ARID4B: variants seen among roughly 807,000 people sequenced by gnomAD.
ARID4B encodes the protein AT-rich interactive domain-containing protein 4B.
ARID4B carries 26 observed loss-of-function variants against 147.5 expected under a neutral mutation model. That is an observed-to-expected ratio of 0.18 (90% CI 0.13 to 0.24). The LOEUF (loss-of-function observed/expected upper bound fraction) is 0.24. Ranked by LOEUF, ARID4B falls within the 10% of genes least tolerant of loss-of-function variation. ARID4B has a pLI of 1.00. For missense variants in ARID4B, 1,179 were observed against 1,511.5 expected, an observed-to-expected ratio of 0.78 and a Z score of 3.65; for synonymous variants, 512 against 507.9, an observed-to-expected ratio of 1.01 and a Z score of -0.11.
chr1:235,304,455 C>G (rs923363096), intron 2 of ARID4B, among the ~76,000 whole-genome samples: 1 of 152,202 alleles, frequency 6.6e-6, no homozygotes, highest in African/African-American at 2.4e-5. Context: ...CTCAAGGTCC[C>G]TTTTCATTAT....
At chr1:235,246,326 G>C in intron 7 of ARID4B, 94 bp downstream of exon 7, 1 of 1,006,752 alleles carries the variant, frequency 9.9e-7, no homozygotes, top group South Asian at 1.4e-5. Context: ...GATCTGGTTA[G>C]CATTTTGCAA....
intron 5 of ARID4B, among the ~76,000 whole-genome samples, chr1:235,253,222 A>T (rs1215204686): frequency 3.3e-5 from 5 of 152,220 alleles, no homozygotes; most frequent in African/African-American, 1.2e-4. Flanking sequence ...TTAAAAAAAT[A>T]ACTGTATTTT....
rs575710398 is a variant in ARID4B at position 235,324,803 on chromosome 1, T to G, written c.6+2111A>C. On this transcript the variant is annotated intron_variant, in intron 2 of 23. Coordinates refer to ENST00000264183, the MANE Select transcript of ARID4B (RefSeq NM_016374.6). Reference sequence around the variant, plus strand: ...ACTACAAAAATTAGCCAGGTGTGCCTGTAGTCCCAGCTACTCAGGAGGCTG... The same window carrying G: ...ACTACAAAAATTAGCCAGGTGTGCCGGTAGTCCCAGCTACTCAGGAGGCTG... Among the ~76,000 whole-genome samples the G allele has an allele frequency of 8.5e-5, 13 of 152,280 alleles. No homozygotes were observed. The East Asian group carries it at 2.5e-3, about 29-fold the overall frequency.
chr1:235,183,929 G>A (rs929026174), intron 19 of ARID4B, among the ~76,000 whole-genome samples: 1 of 151,998 alleles, frequency 6.6e-6, no homozygotes, highest in Non-Finnish European at 1.5e-5. Flanking sequence ...GACTACAGGT[G>A]TGCCACATCC....
intron 2 of ARID4B, among the ~76,000 whole-genome samples, chr1:235,263,553 G>A (rs535340270): frequency 5.3e-5 from 8 of 152,130 alleles, no homozygotes; most frequent in Non-Finnish European, 1.0e-4. Flanking sequence ...ATAAAAATCC[G>A]TGTTGACGGG....
intron 2 of ARID4B, among the ~76,000 whole-genome samples, chr1:235,289,177 CA>C (rs963556889): frequency 3.9e-5 from 6 of 152,212 alleles, no homozygotes; most frequent in Admixed American, 3.9e-4. Flanking sequence ...TTCAAAGTGA[CA>C]TAATAAATTA....
intron 5 of ARID4B, among the ~76,000 whole-genome samples, chr1:235,253,136 GA>G (rs1227593337): frequency 6.6e-6 from 1 of 152,104 alleles, no homozygotes; most frequent in African/African-American, 2.4e-5. Flanking sequence ...GTAAAGAAAT[GA>G]CAAGTTTTCC....
intron 2 of ARID4B, among the ~76,000 whole-genome samples, chr1:235,280,583 T>C (rs947129876): frequency 2.6e-5 from 4 of 152,242 alleles, no homozygotes; most frequent in African/African-American, 9.6e-5. Flanking sequence ...AGATGGCAGC[T>C]TCAGGTGGGC....
At chr1:235,259,574 T>C (rs1379648517) in intron 3 of ARID4B, among the ~76,000 whole-genome samples, 1 of 152,186 alleles carries the variant, frequency 6.6e-6, no homozygotes, top group Non-Finnish European at 1.5e-5. Context: ...GGAATACCAG[T>C]GTGTGAAGCC....
intron 23 of ARID4B, among the ~76,000 whole-genome samples, chr1:235,168,868 A>G (rs759182261): frequency 6.6e-6 from 1 of 152,214 alleles, no homozygotes; most frequent in Admixed American, 6.5e-5. Flanking sequence ...GAAGTAATGA[A>G]AAGGACAGAC....
At position 235,214,794 on chromosome 1, in the gene ARID4B, T is replaced by C. The variant is rs536502246; in HGVS notation, c.1584-768A>G. Among the ~76,000 whole-genome samples the C allele has an allele frequency of 7.4e-5, 11 of 149,374 alleles. No homozygotes were observed. The East Asian group carries it at 1.4e-3, about 19-fold the overall frequency. Reference sequence around the variant, plus strand: ...ACAGATGAGAGGCCAATTACAAGTATATGAAACTAAAAGTCAAACTATTCT... The same window carrying C: ...ACAGATGAGAGGCCAATTACAAGTACATGAAACTAAAAGTCAAACTATTCT... On this transcript the variant is annotated intron_variant, in intron 16 of 23. Coordinates refer to ENST00000264183, the MANE Select transcript of ARID4B (RefSeq NM_016374.6).
intron 2 of ARID4B, among the ~76,000 whole-genome samples, chr1:235,266,112 C>A (rs1415219082): frequency 6.6e-6 from 1 of 152,100 alleles, no homozygotes; most frequent in Non-Finnish European, 1.5e-5. Context: ...ATGTTGAATT[C>A]CAGCGGCAAG....
intron 5 of ARID4B, among the ~76,000 whole-genome samples, 159 bp downstream of exon 5, chr1:235,255,501 T>C (rs1669927577): frequency 6.6e-6 from 1 of 152,060 alleles, no homozygotes; most frequent in Non-Finnish European, 1.5e-5. Context: ...TACATATACT[T>C]TGGAAATAAA....
chr1:235,170,910 CAAAAAA>C (rs1164420998), intron 23 of ARID4B, among the ~76,000 whole-genome samples: 1 of 61,448 alleles, frequency 1.6e-5, no homozygotes, highest in African/African-American at 5.4e-5. Flanking sequence ...GACTCCGTCT[CAAAAAA>C]AAAAAAAAAA....
intron 2 of ARID4B, among the ~76,000 whole-genome samples, chr1:235,304,857 C>A (rs1240922104): frequency 6.6e-6 from 1 of 152,178 alleles, no homozygotes. Context: ...TCATAAAATT[C>A]CTTTGTGGTA....
chr1:235,183,062 CT>C (rs1664429741), intron 19 of ARID4B, among the ~76,000 whole-genome samples: 1 of 151,622 alleles, frequency 6.6e-6, no homozygotes, highest in African/African-American at 2.4e-5. Flanking sequence ...AAAGTCATCA[CT>C]TTTATGTAAA....
Position 235,196,083 on chromosome 1 carries a change from A to C in ARID4B, c.1874T>G (p.Val625Gly). 6.3e-7 allele frequency: 1 copy of C among 1,597,818 alleles called. No homozygotes were observed. Among genetic ancestry groups the C allele is most frequent in the African/African-American group, 1.3e-5 (1 of 74,272 alleles). The stretch of plus-strand genomic sequence containing the variant: ...TGGCACATTTTTATCAGCAGGTCTT[A>C]CTATTTTATCTGCTTTAATCCATTC... ...YDEWIKADKI[V>G]RPADKNVPKI... Residue 625 changes from valine to glycine, a missense_variant, in exon 18 of 24, where the codon GTA becomes GGA. Val to Gly is a moderately radical substitution (Grantham distance 109). Transcript: ENST00000264183.
chr1:235,216,771 T>C (rs1420922729), intron 16 of ARID4B, among the ~76,000 whole-genome samples: 2 of 149,450 alleles, frequency 1.3e-5, no homozygotes, highest in Non-Finnish European at 3.0e-5. Flanking sequence ...TATGAGGAAT[T>C]TTATTTTATA....
At chr1:235,255,287 C>CTA (rs558596691) in intron 5 of ARID4B, among the ~76,000 whole-genome samples, 26,880 of 135,246 alleles carry the variant, frequency 0.2, 2,860 homozygotes, top group Non-Finnish European at 0.22. Context: ...CTCTCTCTCT[C>CTA]TATATATATA....
Sources: gnomAD v4.1 joint callset for allele counts (sites outside exome capture counted in the v4.1 genomes callset) on GRCh38, gnomAD v4.1.1 for gene constraint, MANE v1.5 for transcripts, NCBI Gene and HGNC (gene_info 2026-07-23, HGNC 2026-07-21) for gene names.